EXOC6B: variants seen among roughly 807,000 people sequenced by gnomAD.
The protein encoded by EXOC6B is SEC15 homolog B.
In EXOC6B, 54 loss-of-function variants were observed where a neutral mutation model predicts 113.5. The observed-to-expected ratio is 0.48, with a 90% CI of 0.38 to 0.60. The LOEUF is 0.60. Among genes scored for constraint, EXOC6B ranks in the 20% least tolerant of loss-of-function variants. EXOC6B has a pLI of 0.00. For synonymous variants in EXOC6B, 357 were observed against 339.0 expected, an observed-to-expected ratio of 1.05 and a Z score of -0.58; for missense variants, 797 against 977.5, an observed-to-expected ratio of 0.82 and a Z score of 2.46.
intron 8 of EXOC6B, among the ~76,000 whole-genome samples, chr2:72,531,337 C>T (rs1389259993): frequency 6.6e-6 from 1 of 152,106 alleles, no homozygotes; most frequent in African/African-American, 2.4e-5. Context: ...AGAGTAGAAA[C>T]CTTACTTCCC....
intron 20 of EXOC6B, among the ~76,000 whole-genome samples, chr2:72,235,737 G>T (rs1681920108): frequency 6.6e-6 from 1 of 151,792 alleles, no homozygotes; most frequent in Non-Finnish European, 1.5e-5. Context: ...TTCATGTGGT[G>T]CCACCCTTGT....
intron 7 of EXOC6B, among the ~76,000 whole-genome samples, chr2:72,573,059 C>T (rs1419459796): frequency 6.6e-6 from 1 of 152,136 alleles, no homozygotes; most frequent in East Asian, 1.9e-4. Flanking sequence ...CTTTCCTCAT[C>T]TTCTCTGGAC....
rs34358568 is a variant in EXOC6B at position 72,767,808 on chromosome 2, T to TAAAAA, written c.114-26344_114-26340dup. On this transcript the variant is annotated intron_variant, in intron 1 of 21. Coordinates refer to ENST00000272427, the MANE Select transcript of EXOC6B (RefSeq NM_015189.3). ...AGCCTGGGAGACACAGAGACCTTGT[T>TAAAAA]AAAAAAAAAAAAAAAAAAAAAAAAA... Among the ~76,000 whole-genome samples the TAAAAA allele has an allele frequency of 7.9e-3, 100 of 12,692 alleles. 7 individuals carry two copies. The highest frequency in any genetic ancestry group is 0.011 in the Non-Finnish European group (78 of 6,870). 8.3% of individuals were successfully genotyped at this position (12,692 alleles called of 152,430 possible). A position where few individuals can be genotyped will look rare whatever the true frequency, so the allele number is the denominator to read the frequency against.
chr2:72,346,817 T>A (rs904442967), intron 19 of EXOC6B, among the ~76,000 whole-genome samples: 2 of 152,138 alleles, frequency 1.3e-5, no homozygotes, highest in African/African-American at 4.8e-5. Context: ...TGGCATTGGA[T>A]TTTCCCTTAG....
chr2:72,486,092 G>A (rs1699405837), intron 16 of EXOC6B, among the ~76,000 whole-genome samples: 1 of 152,116 alleles, frequency 6.6e-6, no homozygotes, highest in Non-Finnish European at 1.5e-5. Context: ...AATCATGGCT[G>A]AGCGCAGTGG....
chr2:72,751,434 T>TGCAGATGAAGCC (rs1232020237), intron 1 of EXOC6B, among the ~76,000 whole-genome samples: 1 of 152,118 alleles, frequency 6.6e-6, no homozygotes, highest in African/African-American at 2.4e-5. Flanking sequence ...GGTTTTATCA[T>TGCAGATGAAGCC]GCAGATGAAG....
At chr2:72,707,687 C>T (rs1013096985) in intron 6 of EXOC6B, among the ~76,000 whole-genome samples, 3 of 152,172 alleles carry the variant, frequency 2.0e-5, no homozygotes, top group African/African-American at 7.2e-5. Flanking sequence ...GCTGGGATTA[C>T]AGGTGTGAGC....
At chr2:72,492,260 G>C in intron 16 of EXOC6B, 58 bp downstream of exon 16, 1 of 988,276 alleles carries the variant, frequency 1.0e-6, no homozygotes, top group Non-Finnish European at 1.6e-6. Flanking sequence ...ATAAGGCCCA[G>C]AGCTTAGGAC....
At position 72,329,633 on chromosome 2, in the gene EXOC6B, A is replaced by G. The variant is rs184879870; in HGVS notation, c.2196+5314T>C. Among the ~76,000 whole-genome samples, 6 of 152,170 alleles carry G rather than the reference A, an allele frequency of 3.9e-5. No homozygotes were observed. In the East Asian group the frequency reaches 1.2e-3, roughly 29 times the overall value. On this transcript the variant is annotated intron_variant, in intron 20 of 21. Coordinates refer to ENST00000272427, the MANE Select transcript of EXOC6B (RefSeq NM_015189.3). ...CTTCTAGGAACACATAATATTCACT[A>G]GACTTGGGCAATTTGATTTGAAAAT...
chr2:72,182,006 G>C (rs1038764490), intron 21 of EXOC6B, among the ~76,000 whole-genome samples: 3 of 152,130 alleles, frequency 2.0e-5, no homozygotes, highest in Non-Finnish European at 4.4e-5. Flanking sequence ...TGCTAAGAAG[G>C]GCCAGGTTGA....
At chr2:72,636,263 G>A (rs2104307001) in intron 6 of EXOC6B, among the ~76,000 whole-genome samples, 1 of 134,876 alleles carries the variant, frequency 7.4e-6, no homozygotes, top group South Asian at 2.5e-4. Context: ...GGAAGAGGAA[G>A]AAAAAAAGGG....
chr2:72,627,691 A>G (rs1672145981), intron 6 of EXOC6B, among the ~76,000 whole-genome samples: 1 of 152,200 alleles, frequency 6.6e-6, no homozygotes, highest in Admixed American at 6.6e-5. Context: ...TTTCCATGCA[A>G]TCTCTCTTTT....
intron 20 of EXOC6B, among the ~76,000 whole-genome samples, chr2:72,186,927 G>A (rs189872117): frequency 1.3e-5 from 2 of 152,148 alleles, no homozygotes; most frequent in Non-Finnish European, 2.9e-5. Flanking sequence ...GTTTTGCTCT[G>A]GCCCACTGGG....
At chr2:72,427,379 G>T (rs1247797119) in intron 18 of EXOC6B, among the ~76,000 whole-genome samples, 1 of 152,152 alleles carries the variant, frequency 6.6e-6, no homozygotes, top group Admixed American at 6.5e-5. Flanking sequence ...ACCCTCAGGG[G>T]CCCAGGAAGG....
In EXOC6B at chr2:72,280,010, AC is replaced by A. The variant is rs371174479; in HGVS notation, c.2196+54936del. Among the ~76,000 whole-genome samples the A allele has an allele frequency of 4.9e-4, 74 of 152,322 alleles. 1 individual carries two copies. In the East Asian group the frequency reaches 0.014, roughly 29 times the overall value. ...ACATCTAACAATGATGGCAACAACA[AC>A]AAAAATCTGCTTTACTGAAACCAAG... is the stretch of plus-strand genomic sequence containing the variant. On this transcript the variant is annotated intron_variant, in intron 20 of 21. Coordinates refer to ENST00000272427, the MANE Select transcript of EXOC6B (RefSeq NM_015189.3).
At position 72,401,494 on chromosome 2, in the gene EXOC6B, CAT is replaced by C. The variant is rs1170388566; in HGVS notation, c.1981-21626_1981-21625del. Among the ~76,000 whole-genome samples the C allele has an allele frequency of 6.3e-3, 375 of 59,586 alleles. 11 individuals carry two copies. Among genetic ancestry groups the C allele is most frequent in the South Asian group, 0.019 (39 of 2,108 alleles). 39.1% of individuals were successfully genotyped at this position (59,586 alleles called of 152,430 possible). A position where few individuals can be genotyped will look rare whatever the true frequency, so the allele number is the denominator to read the frequency against. Reference sequence around the variant, plus strand: ...AAAAACACAGAAAATATTTTATATACATATATATATATATATATATACATATA... The same window carrying C: ...AAAAACACAGAAAATATTTTATATACATATATATATATATATATACATATA... On this transcript the variant is annotated intron_variant, in intron 18 of 21. Coordinates refer to ENST00000272427, the MANE Select transcript of EXOC6B (RefSeq NM_015189.3).
intron 6 of EXOC6B, among the ~76,000 whole-genome samples, chr2:72,671,787 GAAA>G (rs1675859966): frequency 9.5e-6 from 1 of 104,850 alleles, no homozygotes; most frequent in Non-Finnish European, 1.9e-5. Flanking sequence ...AAGAAAGAAA[GAAA>G]GAAAGAAAGA....
chr2:72,332,599 A>C (rs1322556670), intron 20 of EXOC6B, among the ~76,000 whole-genome samples: 1 of 152,074 alleles, frequency 6.6e-6, no homozygotes, highest in Non-Finnish European at 1.5e-5. Flanking sequence ...TATTGTCCTA[A>C]GGTGGAACTT....
chr2:72,530,405 G>T (rs892605304), intron 8 of EXOC6B, among the ~76,000 whole-genome samples: 1 of 152,102 alleles, frequency 6.6e-6, no homozygotes, highest in Admixed American at 6.6e-5. Context: ...CAGTTTTGGA[G>T]ATTTTCTTGT....
Sources: allele counts gnomAD v4.1 joint callset (sites outside exome capture counted in the v4.1 genomes callset), GRCh38; gene constraint gnomAD v4.1.1; transcripts MANE v1.5; gene names NCBI Gene and HGNC (gene_info 2026-07-23, HGNC 2026-07-21).